TDRP: variants seen among roughly 807,000 people sequenced by gnomAD.
TDRP encodes testis development-related protein.
TDRP carries 12 observed loss-of-function variants against 10.5 expected under a neutral mutation model. The ratio of observed to expected loss-of-function variants is 1.15; its 90% CI spans 0.73 to 1.86. The LOEUF (loss-of-function observed/expected upper bound fraction) is 1.86. Ranked by LOEUF, TDRP falls within the 40% of genes most tolerant of loss-of-function variation. The pLI is 0.00. For synonymous variants in TDRP, 139 were observed against 95.4 expected (o/e 1.46, Z -2.67); for missense variants, 353 against 229.2 (o/e 1.54, Z -3.49).
At chr8:496,471 G>C (rs907160713) in intron 1 of TDRP, among the ~76,000 whole-genome samples, 28 of 152,194 alleles carry the variant, frequency 1.8e-4, no homozygotes, top group African/African-American at 6.3e-4. Context: ...GACAGACACA[G>C]TGAAGCTTCG....
rs1426836390 is a variant in TDRP at position 509,953 on chromosome 8, G to C, written c.109-15356C>G. ...CTGCTTGGGGCAAACCTGAGAAGTG[G>C]AGGTTGCAGTGAGCCAAGATTGTGT... On this transcript the variant is annotated intron_variant, in intron 1 of 2. Coordinates refer to ENST00000324079, the MANE Select transcript of TDRP (RefSeq NM_001384899.1). Among the ~76,000 whole-genome samples the C allele has an allele frequency of 2.6e-5, 4 of 152,308 alleles. No homozygotes were observed. The South Asian group carries it at 8.3e-4, about 32-fold the overall frequency.
intron 1 of TDRP, among the ~76,000 whole-genome samples, chr8:499,323 T>C (rs570676856): frequency 8.5e-5 from 13 of 152,272 alleles, no homozygotes; most frequent in African/African-American, 3.1e-4. Flanking sequence ...TAATCTCCCA[T>C]TTCTGCATAC....
chr8:527,390 T>G (rs1206069560), intron 1 of TDRP, among the ~76,000 whole-genome samples: 1 of 152,084 alleles, frequency 6.6e-6, no homozygotes, highest in Non-Finnish European at 1.5e-5. Context: ...AATGACATTC[T>G]TCACAGAAAT....
chr8:502,245 C>A (rs554501191), intron 1 of TDRP, among the ~76,000 whole-genome samples: 3 of 152,242 alleles, frequency 2.0e-5, no homozygotes, highest in Non-Finnish European at 2.9e-5. Flanking sequence ...TTTAAACACA[C>A]TGAAGCTATT....
chr8:512,988 A>T (rs2116790967), intron 1 of TDRP, among the ~76,000 whole-genome samples: 2 of 149,544 alleles, frequency 1.3e-5, no homozygotes, highest in Non-Finnish European at 3.0e-5. Flanking sequence ...AAAAAAAACA[A>T]GGTGGAGAAA....
intron 1 of TDRP, among the ~76,000 whole-genome samples, chr8:536,298 A>C (rs1802346910): frequency 6.6e-6 from 1 of 152,234 alleles, no homozygotes; most frequent in Admixed American, 6.5e-5. Context: ...TAGTGAGCTG[A>C]TCTGAGTCTG....
intron 1 of TDRP, among the ~76,000 whole-genome samples, chr8:539,819 TA>T (rs1802445862): frequency 6.6e-6 from 1 of 152,198 alleles, no homozygotes; most frequent in Non-Finnish European, 1.5e-5. Flanking sequence ...CACAGTGTCA[TA>T]AAAGTGTGAC....
At chr8:540,927 T>G (rs533477932) in intron 1 of TDRP, among the ~76,000 whole-genome samples, 1 of 152,100 alleles carries the variant, frequency 6.6e-6, no homozygotes, top group Non-Finnish European at 1.5e-5. Context: ...ACCTGCACGT[T>G]TAACATCACA....
rs561129194 is a variant in TDRP at position 527,237 on chromosome 8, A to G, written c.108+17413T>C. Among the ~76,000 whole-genome samples, 7 of 152,262 alleles carry G rather than the reference A, an allele frequency of 4.6e-5. No individual in the cohort carries two copies. In the South Asian group the frequency reaches 1.4e-3, roughly 32 times the overall value. On this transcript the variant is annotated intron_variant, in intron 1 of 2. Transcript: ENST00000324079. ...GAAGTTAAAGATCTCTACAATGAAA[A>G]CTATAAAACACTGATGCAAGAAATT...
intron 1 of TDRP, among the ~76,000 whole-genome samples, chr8:523,388 G>A (rs1040743997): frequency 6.6e-6 from 1 of 151,982 alleles, no homozygotes; most frequent in Non-Finnish European, 1.5e-5. Context: ...CCTCCCTGAA[G>A]GAACACCAAA....
intron 1 of TDRP, among the ~76,000 whole-genome samples, chr8:512,159 C>T (rs1801636628): frequency 6.6e-6 from 1 of 151,954 alleles, no homozygotes; most frequent in Non-Finnish European, 1.5e-5. Flanking sequence ...GATGCAGTGG[C>T]TCACACCTGT....
At chr8:527,382 T>A (rs1239635460) in intron 1 of TDRP, among the ~76,000 whole-genome samples, 2 of 151,868 alleles carry the variant, frequency 1.3e-5, no homozygotes, top group Non-Finnish European at 2.9e-5. Context: ...TTCATACCAA[T>A]GACATTCTTC....
intron 2 of TDRP, among the ~76,000 whole-genome samples, chr8:494,183 G>T (rs1377814604): frequency 6.6e-6 from 1 of 151,276 alleles, no homozygotes; most frequent in Non-Finnish European, 1.5e-5. Flanking sequence ...GGCTGGTCTT[G>T]AACTCCTGAC....
At chr8:533,249 G>C (rs1055926816) in intron 1 of TDRP, among the ~76,000 whole-genome samples, 1 of 152,182 alleles carries the variant, frequency 6.6e-6, no homozygotes. Flanking sequence ...CCATGTCACT[G>C]CTGGGCTCCT....
chr8:523,963 G>C (rs924460462), intron 1 of TDRP, among the ~76,000 whole-genome samples: 1 of 152,198 alleles, frequency 6.6e-6, no homozygotes, highest in African/African-American at 2.4e-5. Flanking sequence ...AAAAGTGGTA[G>C]CCAGGCAGTG....
At chr8:536,337 A>T (rs1179990648) in intron 1 of TDRP, among the ~76,000 whole-genome samples, 2 of 152,212 alleles carry the variant, frequency 1.3e-5, no homozygotes, top group East Asian at 1.9e-4. Flanking sequence ...GTGCTTTCCA[A>T]ATCAGTTGGC....
rs1800994948 is a variant in TDRP, at chr8:492,153, T to C, written c.*246A>G. ...ATCATAAATTCACATCTCCAGTTTC[T>C]GCAAAACATGGACTGATAGGTGAAT... On this transcript the variant is annotated 3_prime_UTR_variant, in exon 3 of 3. Transcript: ENST00000324079. 9 of 1,251,576 alleles carry C rather than the reference T, an allele frequency of 7.2e-6. No homozygotes were observed. Among genetic ancestry groups the C allele is most frequent in the Admixed American group, 3.9e-5 (1 of 25,826 alleles). 77.5% of individuals were successfully genotyped at this position (1,251,576 alleles called of 1,614,324 possible).
intron 1 of TDRP, among the ~76,000 whole-genome samples, chr8:522,180 T>A (rs1801922324): frequency 6.6e-6 from 1 of 152,218 alleles, no homozygotes; most frequent in Admixed American, 6.5e-5. Context: ...CTACTATGTC[T>A]CCCTTCAATC....
At chr8:525,323 A>T (rs968747880) in intron 1 of TDRP, among the ~76,000 whole-genome samples, 1 of 152,228 alleles carries the variant, frequency 6.6e-6, no homozygotes, top group African/African-American at 2.4e-5. Flanking sequence ...GGAATTCTTC[A>T]ATTTGAAAGA....
Sources: gnomAD v4.1 joint callset for allele counts (sites outside exome capture counted in the v4.1 genomes callset) on GRCh38, gnomAD v4.1.1 for gene constraint, MANE v1.5 for transcripts, NCBI Gene and HGNC (gene_info 2026-07-23, HGNC 2026-07-21) for gene names.